The following MRAS variants were observed in gnomAD, a reference collection of about 807,000 sequenced individuals.
MRAS encodes the protein muscle RAS oncogene homolog.
MRAS carries 4 observed loss-of-function variants against 20.9 expected under a neutral mutation model. That is an observed-to-expected ratio of 0.19 (90% confidence interval 0.09 to 0.44). The LOEUF is 0.44. Ranked by LOEUF, MRAS falls within the 20% of genes least tolerant of loss-of-function variation. The probability of loss-of-function intolerance (pLI) is 0.99; values close to 1 mark genes in which losing one functional copy is unlikely to be tolerated. For missense variants in MRAS, 154 were observed against 277.5 expected (o/e 0.56, Z 3.16); for synonymous variants, 98 against 102.9 (o/e 0.95, Z 0.29).
chr3:138,378,692 C>A (rs1678443), intron 2 of MRAS, among the ~76,000 whole-genome samples: 12,841 of 152,200 alleles, frequency 0.084, 1,396 homozygotes, highest in African/African-American at 0.25. Flanking sequence ...TCGGCAGAGC[C>A]ATAGAGTTTT....
chr3:138,398,381 T>G (rs1387546873), intron 3 of MRAS, 88 bp from the exon 4 acceptor site: 4 of 1,071,204 alleles, frequency 3.7e-6, no homozygotes, highest in African/African-American at 3.1e-5. Flanking sequence ...GGGCTGGCTG[T>G]GCTATGCCTG....
chr3:138,355,500 TGTCA>T (rs150308847), intron 1 of MRAS, among the ~76,000 whole-genome samples: 4,564 of 152,330 alleles, frequency 0.03, 223 homozygotes, highest in African/African-American at 0.1. Context: ...GGCAGATTCT[TGTCA>T]GTCCTTATTG....
intron 2 of MRAS, among the ~76,000 whole-genome samples, chr3:138,393,357 C>T (rs1431979636): frequency 6.6e-6 from 1 of 152,180 alleles, no homozygotes; most frequent in Non-Finnish European, 1.5e-5. Context: ...GAACTTACTG[C>T]ACTGGCCTTA....
chr3:138,350,679 C>T (rs1347412956), intron 1 of MRAS, among the ~76,000 whole-genome samples: 1 of 152,156 alleles, frequency 6.6e-6, no homozygotes, highest in East Asian at 1.9e-4. Flanking sequence ...ACAGGTTTAA[C>T]TTTTATGTTA....
chr3:138,390,722 A>G (rs184351119), intron 2 of MRAS, among the ~76,000 whole-genome samples: 134 of 152,352 alleles, frequency 8.8e-4, no homozygotes, highest in African/African-American at 3.1e-3. Context: ...ACTTGGGACC[A>G]GGCCCAGCTC....
chr3:138,356,137 G>A (rs2054329079), intron 1 of MRAS, among the ~76,000 whole-genome samples: 1 of 152,224 alleles, frequency 6.6e-6, no homozygotes, highest in Non-Finnish European at 1.5e-5. Flanking sequence ...CCACATATGT[G>A]TTATACTTAC....
chr3:138,353,502 T>C (rs1423556766), intron 1 of MRAS, among the ~76,000 whole-genome samples: 1 of 152,230 alleles, frequency 6.6e-6, no homozygotes, highest in African/African-American at 2.4e-5. Context: ...GATTCTCTCA[T>C]TGTTGGGAAG....
chr3:138,375,844 A>C (rs2108524621), intron 2 of MRAS, among the ~76,000 whole-genome samples: 1 of 152,194 alleles, frequency 6.6e-6, no homozygotes, highest in East Asian at 1.9e-4. Context: ...CAACGTGGTG[A>C]AACCCCATCT....
intron 2 of MRAS, among the ~76,000 whole-genome samples, chr3:138,385,859 C>G (rs1456067088): frequency 6.6e-6 from 1 of 152,094 alleles, no homozygotes; most frequent in Non-Finnish European, 1.5e-5. Context: ...GCACATTTAC[C>G]TGCTGGTGGA....
At chr3:138,370,125 C>T (rs1255889987) in intron 1 of MRAS, among the ~76,000 whole-genome samples, 1 of 152,146 alleles carries the variant, frequency 6.6e-6, no homozygotes, top group East Asian at 1.9e-4. Context: ...CAAAATCATC[C>T]TGGCCAACAT....
intron 1 of MRAS, among the ~76,000 whole-genome samples, chr3:138,358,160 C>G (rs971230374): frequency 6.6e-6 from 1 of 152,060 alleles, no homozygotes; most frequent in Non-Finnish European, 1.5e-5. Flanking sequence ...CATGGTGAAA[C>G]CCCATCTCTA....
chr3:138,357,545 A>G (rs2054360584), intron 1 of MRAS, among the ~76,000 whole-genome samples: 1 of 152,254 alleles, frequency 6.6e-6, no homozygotes, highest in South Asian at 2.1e-4. Context: ...TAATTCTTCC[A>G]AAGGATTTTC....
intron 1 of MRAS, among the ~76,000 whole-genome samples, chr3:138,354,016 T>G (rs1201138010): frequency 6.6e-6 from 1 of 152,142 alleles, no homozygotes; most frequent in African/African-American, 2.4e-5. Context: ...AGGGGACCTA[T>G]CCCATGGAGG....
At chr3:138,397,203 AC>A in intron 2 of MRAS, 120 bp from the exon 3 acceptor site, 1 of 1,200,012 alleles carries the variant, frequency 8.3e-7, no homozygotes, top group Non-Finnish European at 1.2e-6. Flanking sequence ...GCAGCCTCTC[AC>A]GGGACAGCTC....
At chr3:138,370,557 C>T (rs969633097) in intron 1 of MRAS, among the ~76,000 whole-genome samples, 2 of 152,180 alleles carry the variant, frequency 1.3e-5, no homozygotes, top group Non-Finnish European at 1.5e-5. Flanking sequence ...TGGAAGAGCT[C>T]AGTTAAGTGA....
chr3:138,405,231 A>T lies in MRAS; in HGVS notation c.*2962A>T, dbSNP rs976887163. On this transcript the variant is annotated 3_prime_UTR_variant, in exon 6 of 6. Transcript: ENST00000423968. Reference sequence around the variant, plus strand: ...CTCACTTTTCCAGGAGACATGACCCACTAACGTGGCAACTTTAACCCAAAG... The same window carrying T: ...CTCACTTTTCCAGGAGACATGACCCTCTAACGTGGCAACTTTAACCCAAAG... 2.0e-5 allele frequency: 3 copies of T among 152,744 alleles called. No individual in the cohort carries two copies. The highest frequency in any genetic ancestry group is 7.2e-5 in the African/African-American group (3 of 41,564). 9.5% of individuals were successfully genotyped at this position (152,744 alleles called of 1,614,324 possible).
intron 1 of MRAS, among the ~76,000 whole-genome samples, chr3:138,362,700 C>T (rs910983673): frequency 1.4e-4 from 21 of 152,146 alleles, no homozygotes; most frequent in Admixed American, 7.9e-4. Flanking sequence ...CCCATCACAC[C>T]CAACGCTCTC....
At position 138,403,231 on chromosome 3, in the gene MRAS, C is replaced by G. The variant is rs1319607068; in HGVS notation, c.*962C>G. The stretch of plus-strand genomic sequence containing the variant: ...GAGGCTCTGGGTTTCTCAGATCTGT[C>G]TCTTGCTGCGTTTTCACATCAGCTG... On this transcript the variant is annotated 3_prime_UTR_variant, in exon 6 of 6. Transcript: ENST00000423968. 1 of 152,214 alleles carries G rather than the reference C, an allele frequency of 6.6e-6. No homozygotes were observed. Among genetic ancestry groups the G allele is most frequent in the Non-Finnish European group, 1.5e-5 (1 of 68,046 alleles). The allele number at this position is 152,214 out of a possible 1,614,324, so 9.4% of individuals were successfully genotyped here.
chr3:138,387,720 T>G (rs956258591), intron 2 of MRAS, among the ~76,000 whole-genome samples: 9 of 152,202 alleles, frequency 5.9e-5, no homozygotes, highest in Non-Finnish European at 7.3e-5. Flanking sequence ...CCTGCTGTCC[T>G]TTCTCCTTTC....
Sources: gnomAD v4.1 joint callset for allele counts (sites outside exome capture counted in the v4.1 genomes callset) on GRCh38, gnomAD v4.1.1 for gene constraint, MANE v1.5 for transcripts, NCBI Gene and HGNC (gene_info 2026-07-23, HGNC 2026-07-21) for gene names.